FAM241A: variants seen among roughly 807,000 people sequenced by gnomAD.
The protein encoded by FAM241A is uncharacterized protein FAM241A.
In FAM241A, 7 loss-of-function variants were observed where a neutral mutation model predicts 12.2. The ratio of observed to expected loss-of-function variants is 0.58; its 90% CI spans 0.33 to 1.08. FAM241A has a LOEUF of 1.08. Ranked by LOEUF, FAM241A falls within the 50% of genes least tolerant of loss-of-function variation. The pLI is 0.04. For missense variants in FAM241A, 161 were observed against 169.7 expected (o/e 0.95, Z 0.29); for synonymous variants, 74 against 68.2 (o/e 1.08, Z -0.42).
At chr4:112,174,388 T>G (rs1157295102) in intron 1 of FAM241A, among the ~76,000 whole-genome samples, 1 of 152,212 alleles carries the variant, frequency 6.6e-6, no homozygotes. Flanking sequence ...GCACGGTGAC[T>G]CACGCCTGTA....
At chr4:112,154,387 G>T (rs1452239942) in intron 1 of FAM241A, among the ~76,000 whole-genome samples, 1 of 151,974 alleles carries the variant, frequency 6.6e-6, no homozygotes, top group African/African-American at 2.4e-5. Context: ...TGTGCCTCAG[G>T]CTACCGAGTT....
chr4:112,152,709 C>T (rs547664276), intron 1 of FAM241A, among the ~76,000 whole-genome samples: 8 of 152,280 alleles, frequency 5.3e-5, no homozygotes, highest in African/African-American at 1.9e-4. Flanking sequence ...TCCCCTACCT[C>T]TTCCACTTCA....
chr4:112,170,943 A>G (rs1198785412), intron 1 of FAM241A, among the ~76,000 whole-genome samples: 1 of 151,206 alleles, frequency 6.6e-6, no homozygotes, highest in Non-Finnish European at 1.5e-5. Flanking sequence ...CTTTGTGCCA[A>G]CTTCTATAGT....
chr4:112,158,465 C>T (rs1247616917), intron 1 of FAM241A, among the ~76,000 whole-genome samples: 6 of 152,042 alleles, frequency 3.9e-5, no homozygotes, highest in African/African-American at 1.4e-4. Context: ...TGAGCTCCTA[C>T]TATTTTTCCA....
At chr4:112,175,693 G>A (rs1406761895) in intron 1 of FAM241A, among the ~76,000 whole-genome samples, 7 of 151,914 alleles carry the variant, frequency 4.6e-5, no homozygotes, top group Non-Finnish European at 8.8e-5. Context: ...GCTTGAACCC[G>A]GGAGGCAGAG....
intron 1 of FAM241A, among the ~76,000 whole-genome samples, chr4:112,183,947 A>G (rs1258674899): frequency 1.3e-5 from 2 of 152,092 alleles, no homozygotes; most frequent in African/African-American, 2.4e-5. Context: ...TGACCCAGTC[A>G]TAATATATCA....
At position 112,190,754 on chromosome 4, in the gene FAM241A, T is replaced by G. The variant is rs1724151764; in HGVS notation, c.*3816T>G. The G allele has an allele frequency of 1.3e-5, 2 of 150,952 alleles. No homozygotes were observed. Among genetic ancestry groups the G allele is most frequent in the Non-Finnish European group, 2.9e-5 (2 of 67,838 alleles). 9.4% of individuals were successfully genotyped at this position (150,952 alleles called of 1,614,324 possible). A position where few individuals can be genotyped will look rare whatever the true frequency, so the allele number is the denominator to read the frequency against. ...GTAATAGAGTTGGCCGAGAAGAATA[T>G]AAACTTATTTACAAACTATGACTTC... On this transcript the variant is annotated 3_prime_UTR_variant, in exon 2 of 2. Coordinates refer to ENST00000309733, the MANE Select transcript of FAM241A (RefSeq NM_152400.3).
At chr4:112,156,519 T>C (rs1225535137) in intron 1 of FAM241A, among the ~76,000 whole-genome samples, 1 of 152,192 alleles carries the variant, frequency 6.6e-6, no homozygotes, top group Non-Finnish European at 1.5e-5. Context: ...GAGATTACAT[T>C]ATATGGCAAA....
chr4:112,180,427 G>A (rs936969669), intron 1 of FAM241A, among the ~76,000 whole-genome samples: 3 of 152,084 alleles, frequency 2.0e-5, no homozygotes, highest in African/African-American at 7.2e-5. Flanking sequence ...CTAATTTTGT[G>A]TCCTCTTTAT....
At chr4:112,173,300 T>G (rs997693579) in intron 1 of FAM241A, among the ~76,000 whole-genome samples, 7 of 152,186 alleles carry the variant, frequency 4.6e-5, no homozygotes. Flanking sequence ...CCCCAGAGAG[T>G]TATAAATAAT....
intron 1 of FAM241A, among the ~76,000 whole-genome samples, chr4:112,150,460 A>G (rs929842007): frequency 1.3e-4 from 20 of 152,208 alleles, no homozygotes; most frequent in Non-Finnish European, 2.8e-4. Flanking sequence ...TTTATAGATA[A>G]AAATAATTTT....
Position 112,188,893 on chromosome 4 carries a change from G to A in FAM241A, c.*1955G>A, listed in dbSNP as rs1724100744. 1.3e-5 allele frequency: 2 copies of A among 151,984 alleles called. No individual in the cohort carries two copies. Among genetic ancestry groups the A allele is most frequent in the South Asian group, 4.2e-4 (2 of 4,812 alleles). The allele number at this position is 151,984 out of a possible 1,614,324, so 9.4% of individuals were successfully genotyped here. ...TAGGGTATATATTAAATTATATAAA[G>A]AAATAAGATATTTTGCTGTTATTCT... On this transcript the variant is annotated 3_prime_UTR_variant, in exon 2 of 2. Transcript: ENST00000309733.
At chr4:112,179,995 T>C (rs923403029) in intron 1 of FAM241A, among the ~76,000 whole-genome samples, 15 of 102,314 alleles carry the variant, frequency 1.5e-4, no homozygotes, top group South Asian at 1.1e-3. Flanking sequence ...ATAATGTATA[T>C]ATATTATGTA....
chr4:112,174,602 A>G (rs576933771), intron 1 of FAM241A, among the ~76,000 whole-genome samples: 10 of 152,324 alleles, frequency 6.6e-5, no homozygotes, highest in Non-Finnish European at 1.3e-4. Context: ...TGGCACCGTC[A>G]AAACAACACA....
chr4:112,184,065 T>C (rs1023533634), intron 1 of FAM241A, among the ~76,000 whole-genome samples: 3 of 151,944 alleles, frequency 2.0e-5, no homozygotes, highest in Non-Finnish European at 2.9e-5. Context: ...CATAAATCAT[T>C]TTATGGATTA....
intron 1 of FAM241A, among the ~76,000 whole-genome samples, chr4:112,171,926 T>G (rs1198838055): frequency 6.6e-6 from 1 of 152,298 alleles, no homozygotes; most frequent in South Asian, 2.1e-4. Context: ...TTTTTGCTGA[T>G]GTAAGTGAAT....
intron 1 of FAM241A, among the ~76,000 whole-genome samples, chr4:112,165,913 ATTGT>A (rs1176259694): frequency 7.2e-5 from 11 of 152,192 alleles, no homozygotes; most frequent in Admixed American, 6.5e-5. Flanking sequence ...GTATAATTGG[ATTGT>A]TTGTAACACA....
At chr4:112,169,086 A>G (rs1299510280) in intron 1 of FAM241A, among the ~76,000 whole-genome samples, 1 of 152,240 alleles carries the variant, frequency 6.6e-6, no homozygotes, top group Non-Finnish European at 1.5e-5. Context: ...GGCTAGGTAC[A>G]AACTTAAAAC....
chr4:112,160,600 C>T (rs926912186), intron 1 of FAM241A, among the ~76,000 whole-genome samples: 22 of 152,136 alleles, frequency 1.4e-4, no homozygotes, highest in African/African-American at 5.3e-4. Context: ...ACAGCCAAAG[C>T]TATCCTGAGC....
Sources: allele counts gnomAD v4.1 joint callset (sites outside exome capture counted in the v4.1 genomes callset), GRCh38; gene constraint gnomAD v4.1.1; transcripts MANE v1.5; gene names NCBI Gene and HGNC (gene_info 2026-07-23, HGNC 2026-07-21).